Variants in BCKDHB observed in about 807,000 individuals in gnomAD.
The protein encoded by BCKDHB is branched chain keto acid dehydrogenase E1 subunit beta.
A neutral mutation model predicts 48.5 loss-of-function variants in BCKDHB; 41 were observed. The ratio of observed to expected loss-of-function variants is 0.85; its 90% confidence interval spans 0.66 to 1.10. The LOEUF (loss-of-function observed/expected upper bound fraction) is 1.10. Among genes scored for constraint, BCKDHB ranks in the 50% least tolerant of loss-of-function variants. The pLI is 0.00. For synonymous variants in BCKDHB, 201 were observed against 174.8 expected, an observed-to-expected ratio of 1.15 and a Z score of -1.18; for missense variants, 496 against 494.2, an observed-to-expected ratio of 1.00 and a Z score of -0.03.
intron 1 of BCKDHB, among the ~76,000 whole-genome samples, chr6:80,114,261 T>A (rs368922799): frequency 2.0e-4 from 31 of 151,598 alleles, no homozygotes; most frequent in African/African-American, 6.5e-4. Context: ...TTTTTTTTTT[T>A]AATTAAATAC....
chr6:80,169,413 G>A (rs961839278), intron 5 of BCKDHB, among the ~76,000 whole-genome samples: 1 of 152,076 alleles, frequency 6.6e-6, no homozygotes, highest in Non-Finnish European at 1.5e-5. Flanking sequence ...TGTTTAGTCT[G>A]TATTTACCTC....
chr6:80,457,883 G>A, the BCKDHB span, among the ~76,000 whole-genome samples: 1 of 152,134 alleles, frequency 6.6e-6, no homozygotes, highest in Admixed American at 6.5e-5. Context: ...GAGAAACAAA[G>A]GGTTTGTATA....
At position 80,246,372 on chromosome 6, in the gene BCKDHB, T is replaced by C. The variant is rs537414347; in HGVS notation, c.952-26763T>C. ...GGTTTTGACCTTTGTCTTCATGTTA[T>C]CCTGCATTGCTATACAACAATTGGG... is the stretch of plus-strand genomic sequence containing the variant. On this transcript the variant is annotated intron_variant, in intron 8 of 9. Coordinates refer to ENST00000320393, the MANE Select transcript of BCKDHB (RefSeq NM_183050.4). 4.9e-4 allele frequency among the ~76,000 whole-genome samples: 75 copies of C among 152,298 alleles called. 1 individual carries two copies. Among genetic ancestry groups the C allele is most frequent in the Middle Eastern group, 3.4e-3 (1 of 294 alleles).
intron 6 of BCKDHB, among the ~76,000 whole-genome samples, chr6:80,183,871 T>A (rs1000645344): frequency 6.6e-6 from 1 of 152,194 alleles, no homozygotes; most frequent in Admixed American, 6.5e-5. Context: ...CTTCCTTCAC[T>A]TAGTACTATG....
At chr6:80,351,215 T>C (rs1401613605), downstream of BCKDHB, among the ~76,000 whole-genome samples, 1 of 152,204 alleles carries the variant, frequency 6.6e-6, no homozygotes, top group African/African-American at 2.4e-5. Flanking sequence ...ATAGATAAGC[T>C]TTGTTTCTGA....
intron 1 of BCKDHB, among the ~76,000 whole-genome samples, chr6:80,115,815 T>C (rs1562058107): frequency 6.6e-6 from 1 of 152,054 alleles, no homozygotes; most frequent in Non-Finnish European, 1.5e-5. Flanking sequence ...TTTTTGTATT[T>C]TTAGTAGAGA....
chr6:80,355,189 C>T, the BCKDHB span, among the ~76,000 whole-genome samples: 1 of 151,842 alleles, frequency 6.6e-6, no homozygotes, highest in Non-Finnish European at 1.5e-5. Context: ...CACCTGAGGT[C>T]GGGAGTTCGA....
chr6:80,138,562 C>A (rs565006402), intron 3 of BCKDHB, among the ~76,000 whole-genome samples: 1 of 151,848 alleles, frequency 6.6e-6, no homozygotes, highest in Non-Finnish European at 1.5e-5. Flanking sequence ...TTTGTTCTTG[C>A]GATAGTTTAC....
At chr6:80,466,251 T>C in the BCKDHB span, among the ~76,000 whole-genome samples, 2 of 152,198 alleles carry the variant, frequency 1.3e-5, no homozygotes, top group Non-Finnish European at 2.9e-5. Flanking sequence ...TATATTATAC[T>C]TACACATATA....
At chr6:80,457,131 G>C in the BCKDHB span, among the ~76,000 whole-genome samples, 1 of 152,126 alleles carries the variant, frequency 6.6e-6, no homozygotes, top group Non-Finnish European at 1.5e-5. Flanking sequence ...GATAAATTTG[G>C]TGGCATTTTA....
At chr6:80,152,332 G>A (rs1200427383) in intron 3 of BCKDHB, among the ~76,000 whole-genome samples, 1 of 152,106 alleles carries the variant, frequency 6.6e-6, no homozygotes, top group Non-Finnish European at 1.5e-5. Context: ...ATAAAAGATA[G>A]AAGACTGAAA....
chr6:80,453,312 A>G, the BCKDHB span: 1 of 152,248 alleles, frequency 6.6e-6, no homozygotes, highest in African/African-American at 2.4e-5. Flanking sequence ...GCTACATGTC[A>G]CTTCTCACAT....
At chr6:80,248,398 C>A (rs1776700329) in intron 8 of BCKDHB, among the ~76,000 whole-genome samples, 1 of 152,086 alleles carries the variant, frequency 6.6e-6, no homozygotes, top group African/African-American at 2.4e-5. Context: ...CTTTGCTTTT[C>A]TCTAGTATTT....
upstream of BCKDHB, chr6:80,106,660 C>G (rs1376835767): frequency 3.9e-6 from 6 of 1,545,284 alleles, no homozygotes; most frequent in African/African-American, 4.1e-5. Context: ...CGGCGTGCGG[C>G]TGCATAGCCT....
chr6:80,116,196 G>A (rs1769695196), intron 1 of BCKDHB, among the ~76,000 whole-genome samples: 1 of 152,082 alleles, frequency 6.6e-6, no homozygotes, highest in Non-Finnish European at 1.5e-5. Flanking sequence ...CTTTAACACT[G>A]CTGCATACTG....
chr6:80,291,425 T>A (rs1766909425), intron 9 of BCKDHB, among the ~76,000 whole-genome samples: 1 of 152,176 alleles, frequency 6.6e-6, no homozygotes, highest in Admixed American at 6.5e-5. Context: ...TAATAAGTAT[T>A]TAAGAAAACA....
intron 9 of BCKDHB, among the ~76,000 whole-genome samples, chr6:80,309,873 T>C (rs1768067698): frequency 6.6e-6 from 1 of 152,196 alleles, no homozygotes; most frequent in Non-Finnish European, 1.5e-5. Flanking sequence ...AGCCCTCAAG[T>C]AGGCCTCAGT....
In BCKDHB at chr6:80,137,269, C is replaced by T. The variant is rs139911793; in HGVS notation, c.343+8040C>T. Among the ~76,000 whole-genome samples, 329 of 152,244 alleles carry T rather than the reference C, an allele frequency of 2.2e-3. 2 individuals carry two copies. Among genetic ancestry groups the T allele is most frequent in the African/African-American group, 6.1e-3 (252 of 41,566 alleles). ...CTACTAAAATTAGAATGGGTACAAA[C>T]GGTCACTGTATTTTACTTTCTCTAA... On this transcript the variant is annotated intron_variant, in intron 3 of 9. Transcript: ENST00000320393.
intron 9 of BCKDHB, among the ~76,000 whole-genome samples, chr6:80,310,974 G>A (rs181677668): frequency 6.6e-6 from 1 of 152,080 alleles, no homozygotes; most frequent in Admixed American, 6.6e-5. Context: ...ATTTGTTTAA[G>A]TTCCTTATAA....
Sources: gnomAD v4.1 joint callset for allele counts (sites outside exome capture counted in the v4.1 genomes callset) on GRCh38, gnomAD v4.1.1 for gene constraint, MANE v1.5 for transcripts, NCBI Gene and HGNC (gene_info 2026-07-23, HGNC 2026-07-21) for gene names.